Variants in TBCD observed in about 807,000 individuals in gnomAD.
The protein encoded by TBCD is tubulin folding cofactor D.
Under a neutral mutation model 169.3 loss-of-function variants are expected in TBCD, and 105 were observed. The ratio of observed to expected loss-of-function variants is 0.62; its 90% CI spans 0.53 to 0.73. The LOEUF (loss-of-function observed/expected upper bound fraction) is 0.73, where lower values mean the gene tolerates loss of function less well. Ranked by LOEUF, TBCD falls within the 30% of genes least tolerant of loss-of-function variation. The pLI is 0.00. For synonymous variants in TBCD, 700 were observed against 643.9 expected (o/e 1.09, Z -1.32); for missense variants, 1,444 against 1,600.1 (o/e 0.90, Z 1.66).
At chr17:82,834,549 C>T (rs1316433) in intron 13 of TBCD, among the ~76,000 whole-genome samples, 142,515 of 152,202 alleles carry the variant, frequency 0.94, 67,451 homozygotes, top group East Asian at 1. Flanking sequence ...AAAAGGAACG[C>T]GATCATGTCC....
chr17:82,929,355 C>T lies in TBCD; in HGVS notation c.2853-7C>T. The stretch of plus-strand genomic sequence containing the variant: ...AGCCCGGCCTTGTCTCACTCACTCT[C>T]TTGCAGGTCCGATGTGGCCTCCGTG... On this transcript the variant is annotated splice_polypyrimidine_tract_variant and splice_region_variant and intron_variant, in intron 31 of 38. Coordinates refer to ENST00000355528, the MANE Select transcript of TBCD (RefSeq NM_005993.5). 4 of 1,612,276 alleles carry T rather than the reference C, an allele frequency of 2.5e-6. No individual in the cohort carries two copies. The highest frequency in any genetic ancestry group is 2.5e-6 in the Non-Finnish European group (3 of 1,178,914).
At chr17:82,877,561 C>A (rs1402991895) in intron 14 of TBCD, among the ~76,000 whole-genome samples, 1 of 152,092 alleles carries the variant, frequency 6.6e-6, no homozygotes. Flanking sequence ...AGGCTGTTCT[C>A]GAACTCCTGA....
At chr17:82,868,129 G>A (rs542622918) in intron 13 of TBCD, among the ~76,000 whole-genome samples, 2 of 152,308 alleles carry the variant, frequency 1.3e-5, no homozygotes, top group African/African-American at 4.8e-5. Context: ...CAGTTGGGGC[G>A]GGCTCTGGGA....
intron 13 of TBCD, chr17:82,838,809 G>T: frequency 1.0e-6 from 1 of 985,434 alleles, no homozygotes; most frequent in Non-Finnish European, 1.2e-6. Flanking sequence ...AGTTTCGGCA[G>T]GAGATCCCGA....
chr17:82,829,314 C>A (rs528601365), intron 13 of TBCD: 525 of 154,746 alleles, frequency 3.4e-3, no homozygotes, highest in Non-Finnish European at 4.5e-3. Context: ...CACACCCCCC[C>A]CACACAGATA....
chr17:82,918,237 G>A (rs2061191797), intron 23 of TBCD: 1 of 152,236 alleles, frequency 6.6e-6, no homozygotes, highest in Non-Finnish European at 1.5e-5. Flanking sequence ...TGTGTGTCTA[G>A]TTTCGTGCAG....
rs371201144 is a variant in TBCD, at chr17:82,911,839, C to G, written c.2038+50C>G. 1.3e-5 allele frequency: 21 copies of G among 1,605,696 alleles called. No homozygotes were observed. In the South Asian group the frequency reaches 2.2e-4, roughly 17 times the overall value. On this transcript the variant is annotated intron_variant, in intron 23 of 38. Transcript: ENST00000355528. The stretch of plus-strand genomic sequence containing the variant: ...CTCTGCAGCCCTTTGCCGCAGCCAT[C>G]GTTGAGGGAGGTGTGCTCGTGGCGT...
rs112448805 is a variant in TBCD at position 82,761,918 on chromosome 17, G to A, written c.236-2047G>A. Among the ~76,000 whole-genome samples, 119 of 150,916 alleles carry A rather than the reference G, an allele frequency of 7.9e-4. 2 individuals are homozygous for A. In the Middle Eastern group the frequency reaches 0.01, roughly 13 times the overall value. ...TTTTTTTTTTATTTTTAGTAGAGAC[G>A]GGGTTTCACCTTGTTAACCAGGATG... On this transcript the variant is annotated intron_variant, in intron 2 of 38. Transcript: ENST00000355528.
intron 13 of TBCD, among the ~76,000 whole-genome samples, chr17:82,865,755 C>G (rs1294634799): frequency 6.6e-6 from 1 of 152,208 alleles, no homozygotes; most frequent in Non-Finnish European, 1.5e-5. Context: ...TTATTTCTAC[C>G]TTTTGTGCAG....
Position 82,884,476 on chromosome 17 carries a change from C to G in TBCD, c.1533+274C>G, listed in dbSNP as rs552203995. On this transcript the variant is annotated intron_variant, in intron 15 of 38. Transcript: ENST00000355528. This position sits in a 1 kb window ranked among gnomAD's most constrained non-coding sequence, Gnocchi z 4.2. ...GTGATGGAGGCGAGTGGGAGGTGCCCGATGACAGGTCTTGGTGCAGGCAGC... is the reference window on the plus strand; with the variant it reads ...GTGATGGAGGCGAGTGGGAGGTGCCGGATGACAGGTCTTGGTGCAGGCAGC... Among the ~76,000 whole-genome samples the G allele has an allele frequency of 6.6e-6, 1 of 152,112 alleles. No individual in the cohort carries two copies. The highest frequency in any genetic ancestry group is 1.5e-5 in the Non-Finnish European group (1 of 68,032).
In TBCD at chr17:82,889,559, A is replaced by C; in HGVS notation, c.1534-109A>C. The C allele has an allele frequency of 7.4e-7, 1 of 1,355,178 alleles. No homozygotes were observed. Among genetic ancestry groups the C allele is most frequent in the Non-Finnish European group, 1.0e-6 (1 of 969,350 alleles). 83.9% of individuals were successfully genotyped at this position (1,355,178 alleles called of 1,614,324 possible). A position where few individuals can be genotyped will look rare whatever the true frequency, so the allele number is the denominator to read the frequency against. ...AGCCAACAATGAGGGCTTTTATTTA[A>C]AAAATAAAGCCGTGGGTCATTCACG... On this transcript the variant is annotated intron_variant, in intron 15 of 38. Coordinates refer to ENST00000355528, the MANE Select transcript of TBCD (RefSeq NM_005993.5). The surrounding 1 kb of genome is among the most constrained non-coding windows in gnomAD (Gnocchi z 5.3).
At chr17:82,788,111 G>A (rs142226247) in intron 7 of TBCD, among the ~76,000 whole-genome samples, 4,871 of 152,160 alleles carry the variant, frequency 0.032, 124 homozygotes, top group Non-Finnish European at 0.047. Context: ...GGTGGTGCGC[G>A]CCTGTAATCC....
At chr17:82,856,783 T>C (rs2056328355) in intron 13 of TBCD, among the ~76,000 whole-genome samples, 1 of 142,226 alleles carries the variant, frequency 7.0e-6, no homozygotes, top group Non-Finnish European at 1.5e-5. Context: ...CTGGACCGCG[T>C]GCGGACCCTC....
intron 13 of TBCD, among the ~76,000 whole-genome samples, chr17:82,844,414 C>G (rs1007809859): frequency 1.3e-5 from 2 of 152,064 alleles, no homozygotes; most frequent in Non-Finnish European, 2.9e-5. Context: ...CTGAGCACCT[C>G]GGAGAGTCAG....
chr17:82,881,928 T>TCCTCCCTC (rs1567949413), intron 14 of TBCD, among the ~76,000 whole-genome samples: 3 of 151,328 alleles, frequency 2.0e-5, no homozygotes, highest in East Asian at 2.0e-4. Context: ...CCTCCTCCCT[T>TCCTCCCTC]CCTCCCTCCC....
intron 22 of TBCD, among the ~76,000 whole-genome samples, chr17:82,909,542 G>T (rs1390143831): frequency 5.0e-5 from 7 of 140,172 alleles, no homozygotes; most frequent in Non-Finnish European, 1.1e-4. Flanking sequence ...GTCTGACCTG[G>T]TTGTGTGTTT....
Position 82,903,398 on chromosome 17 carries a change from C to T in TBCD, c.1731-7C>T, listed in dbSNP as rs373266254. The T allele has an allele frequency of 2.4e-5, 38 of 1,599,380 alleles. No homozygotes were observed. The highest frequency in any genetic ancestry group is 3.0e-5 in the Non-Finnish European group (35 of 1,173,060). On this transcript the variant is annotated splice_polypyrimidine_tract_variant and splice_region_variant and intron_variant, in intron 18 of 38. Coordinates refer to ENST00000355528, the MANE Select transcript of TBCD (RefSeq NM_005993.5). This position sits in a 1 kb window ranked among gnomAD's most constrained non-coding sequence, Gnocchi z 4.8. The stretch of plus-strand genomic sequence containing the variant: ...AGGCACTTACGACATTCTCTCCTCA[C>T]TCTCAGGGTCATCCGAGAGTTGGCT...
chr17:82,752,383 TG>T lies in TBCD; in HGVS notation c.184+9del. 8.1e-7 allele frequency: 1 copy of T among 1,236,792 alleles called. No homozygotes were observed. Among genetic ancestry groups the T allele is most frequent in the Non-Finnish European group, 1.0e-6 (1 of 993,054 alleles). The allele number at this position is 1,236,792 out of a possible 1,614,324, so 76.6% of individuals were successfully genotyped here. On this transcript the variant is annotated splice_region_variant and intron_variant, in intron 1 of 38. Transcript: ENST00000355528. ...GGCCCTGGAGCGGTTCCGCGGTGCG[TG>T]GGCGGCGCCGCGTGCCCGCTTCCTC...
chr17:82,804,644 C>T (rs1568161456), intron 9 of TBCD, among the ~76,000 whole-genome samples: 1 of 152,202 alleles, frequency 6.6e-6, no homozygotes, highest in South Asian at 2.1e-4. Flanking sequence ...TGGGCCCCTC[C>T]GCAGGGCAGT....
Sources: gnomAD v4.1 joint callset for allele counts (sites outside exome capture counted in the v4.1 genomes callset) on GRCh38, gnomAD v4.1.1 for gene constraint, Gnocchi (gnomAD v3.1) non-coding constraint, MANE v1.5 for transcripts, NCBI Gene and HGNC (gene_info 2026-07-23, HGNC 2026-07-21) for gene names.